Variants in NME7 observed in about 807,000 individuals in gnomAD.
The protein encoded by NME7 is nucleoside diphosphate kinase 7.
A neutral mutation model predicts 49.1 loss-of-function variants in NME7; 41 were observed. That is an observed-to-expected ratio of 0.83 (90% CI 0.65 to 1.08). The LOEUF (loss-of-function observed/expected upper bound fraction) is 1.08, where lower values mean the gene tolerates loss of function less well. Among genes scored for constraint, NME7 ranks in the 50% least tolerant of loss-of-function variants. The pLI, the probability that NME7 is intolerant of heterozygous loss-of-function variation, is 0.00. For missense variants in NME7, 423 were observed against 463.4 expected (o/e 0.91, Z 0.80); for synonymous variants, 139 against 150.6 (o/e 0.92, Z 0.56).
intron 1 of NME7, among the ~76,000 whole-genome samples, chr1:169,343,023 A>G (rs1359083888): frequency 7.0e-6 from 1 of 142,898 alleles, no homozygotes; most frequent in Non-Finnish European, 1.5e-5. Flanking sequence ...ATGCATATAT[A>G]TATATACATA....
At chr1:169,279,181 C>A (rs775156594) in intron 7 of NME7, among the ~76,000 whole-genome samples, 2 of 152,170 alleles carry the variant, frequency 1.3e-5, no homozygotes, top group African/African-American at 4.8e-5. Flanking sequence ...CTCAGATCTC[C>A]CCCTGGGTGC....
At chr1:169,205,858 T>C (rs1223011234) in intron 10 of NME7, among the ~76,000 whole-genome samples, 3 of 152,150 alleles carry the variant, frequency 2.0e-5, no homozygotes, top group African/African-American at 7.2e-5. Flanking sequence ...TTTCCCATCC[T>C]GTATCTCTTT....
chr1:169,169,318 C>T lies in NME7; in HGVS notation c.1098+129G>A, dbSNP rs1659510065. ...CGTGTATACCTATGTAACAAAACTG[C>T]ACTCTCTGCACATGTAACCTAGAAC... On this transcript the variant is annotated intron_variant, in intron 11 of 11. Transcript: ENST00000367811. 2.0e-5 allele frequency: 15 copies of T among 737,028 alleles called. No homozygotes were observed. The East Asian group carries it at 3.6e-4, about 18-fold the overall frequency. 45.7% of individuals were successfully genotyped at this position (737,028 alleles called of 1,614,324 possible).
chr1:169,293,182 G>C (rs569982838), intron 6 of NME7, among the ~76,000 whole-genome samples: 3 of 151,896 alleles, frequency 2.0e-5, no homozygotes, highest in Non-Finnish European at 4.4e-5. Flanking sequence ...TGTAGTCCTA[G>C]CTACTTGGGA....
chr1:169,297,380 G>C (rs1314000760), intron 6 of NME7, among the ~76,000 whole-genome samples: 1 of 152,008 alleles, frequency 6.6e-6, no homozygotes, highest in East Asian at 1.9e-4. Context: ...TTTTTTCAGA[G>C]AAAAATCTAA....
At chr1:169,168,039 G>C (rs1200083) in intron 11 of NME7, among the ~76,000 whole-genome samples, 24 of 152,014 alleles carry the variant, frequency 1.6e-4, no homozygotes, top group Middle Eastern at 6.8e-3. Context: ...AGGGAACGGC[G>C]GTCTCCTAGT....
intron 5 of NME7, chr1:169,302,297 A>C (rs973492129): frequency 6.6e-6 from 1 of 152,170 alleles, no homozygotes; most frequent in Non-Finnish European, 1.5e-5. Flanking sequence ...AAAAAGATAC[A>C]TGCACTTGCC....
intron 1 of NME7, 115 bp downstream of exon 1, chr1:169,367,593 A>G (rs2101998764): frequency 1.7e-6 from 2 of 1,161,354 alleles, no homozygotes; most frequent in East Asian, 4.7e-5. Context: ...GGAAAGAGAT[A>G]ACGGGGAGAA....
intron 11 of NME7, among the ~76,000 whole-genome samples, chr1:169,146,202 G>A (rs1395907350): frequency 6.6e-6 from 1 of 152,130 alleles, no homozygotes; most frequent in South Asian, 2.1e-4. Flanking sequence ...TTATCGGAGG[G>A]AGAAAAGATC....
At chr1:169,215,562 T>C (rs944687293) in intron 10 of NME7, among the ~76,000 whole-genome samples, 1 of 151,736 alleles carries the variant, frequency 6.6e-6, no homozygotes, top group African/African-American at 2.4e-5. Flanking sequence ...CAGGTACTAA[T>C]GTCAAAATGA....
intron 11 of NME7, among the ~76,000 whole-genome samples, chr1:169,162,737 G>A (rs1197548168): frequency 1.3e-5 from 2 of 152,072 alleles, no homozygotes; most frequent in Non-Finnish European, 2.9e-5. Flanking sequence ...CTCTCAGGAG[G>A]CTGAGGCAGG....
At chr1:169,172,399 G>T (rs1659630509) in intron 10 of NME7, among the ~76,000 whole-genome samples, 1 of 151,018 alleles carries the variant, frequency 6.6e-6, no homozygotes, top group African/African-American at 2.4e-5. Flanking sequence ...CATCACTGGA[G>T]ATTTACTCTT....
chr1:169,145,162 A>T (rs1658711248), intron 11 of NME7, among the ~76,000 whole-genome samples: 1 of 152,234 alleles, frequency 6.6e-6, no homozygotes, highest in South Asian at 2.1e-4. Context: ...CTTTGCACGG[A>T]AAGATATGTA....
At chr1:169,360,706 A>C (rs1278032542) in intron 1 of NME7, among the ~76,000 whole-genome samples, 1 of 152,206 alleles carries the variant, frequency 6.6e-6, no homozygotes, top group Non-Finnish European at 1.5e-5. Context: ...ATCTCAGCTT[A>C]AAAGTCACAT....
chr1:169,247,439 G>A (rs1404920380), intron 7 of NME7, among the ~76,000 whole-genome samples: 1 of 152,120 alleles, frequency 6.6e-6, no homozygotes, highest in Non-Finnish European at 1.5e-5. Flanking sequence ...TTTCATGAAT[G>A]TTATTATGCA....
At chr1:169,351,468 A>T (rs1467242858) in intron 1 of NME7, among the ~76,000 whole-genome samples, 3 of 150,904 alleles carry the variant, frequency 2.0e-5, no homozygotes, top group East Asian at 1.9e-4. Flanking sequence ...TGCCTACATT[A>T]AAAAAAAAGA....
At chr1:169,193,409 T>G (rs1660289972) in intron 10 of NME7, among the ~76,000 whole-genome samples, 1 of 152,142 alleles carries the variant, frequency 6.6e-6, no homozygotes, top group Non-Finnish European at 1.5e-5. Context: ...CATGCCAACT[T>G]AACTGAACTG....
intron 10 of NME7, among the ~76,000 whole-genome samples, chr1:169,180,367 C>A (rs1273652948): frequency 6.6e-6 from 1 of 152,198 alleles, no homozygotes; most frequent in Non-Finnish European, 1.5e-5. Flanking sequence ...CTTGTCAGCA[C>A]AATTGCTGAC....
intron 10 of NME7, among the ~76,000 whole-genome samples, chr1:169,183,028 G>T (rs1286644801): frequency 1.3e-5 from 2 of 152,220 alleles, no homozygotes; most frequent in Admixed American, 6.5e-5. Flanking sequence ...ACCTGCCTGA[G>T]AATGGAAATG....
Sources: gnomAD v4.1 joint callset for allele counts (sites outside exome capture counted in the v4.1 genomes callset) on GRCh38, gnomAD v4.1.1 for gene constraint, MANE v1.5 for transcripts, NCBI Gene and HGNC (gene_info 2026-07-23, HGNC 2026-07-21) for gene names.